The following MALRD1 variants were observed in gnomAD, a reference collection of about 807,000 sequenced individuals.
The protein encoded by MALRD1 is MAM and LDL-receptor class A domain-containing protein 1.
MALRD1 carries 247 observed loss-of-function variants against 242.1 expected under a neutral mutation model. That is an observed-to-expected ratio of 1.02 (90% CI 0.92 to 1.13). The LOEUF (loss-of-function observed/expected upper bound fraction) is 1.13. Ranked by LOEUF, MALRD1 falls within the 50% of genes most tolerant of loss-of-function variation. The probability of loss-of-function intolerance (pLI) is 0.00; values close to 1 mark genes in which losing one functional copy is unlikely to be tolerated. For missense variants in MALRD1, 2,989 were observed against 2,533.1 expected, an observed-to-expected ratio of 1.18 and a Z score of -3.86; for synonymous variants, 995 against 866.6, an observed-to-expected ratio of 1.15 and a Z score of -2.60.
chr10:19,506,615 T>C (rs1833156436), intron 31 of MALRD1, among the ~76,000 whole-genome samples: 1 of 152,152 alleles, frequency 6.6e-6, no homozygotes, highest in Non-Finnish European at 1.5e-5. Flanking sequence ...TACATGTATA[T>C]ATTCTAATTC....
chr10:19,176,703 G>C (rs1043875821), intron 14 of MALRD1, among the ~76,000 whole-genome samples: 14 of 152,096 alleles, frequency 9.2e-5, no homozygotes, highest in Non-Finnish European at 1.6e-4. Flanking sequence ...GGGTTAACGT[G>C]TATTTACTTT....
chr10:19,703,761 G>A (rs2131852698), intron 38 of MALRD1, among the ~76,000 whole-genome samples: 1 of 152,210 alleles, frequency 6.6e-6, no homozygotes, highest in South Asian at 2.1e-4. Flanking sequence ...CAGGGGTGGT[G>A]GCAGGTCCCT....
At chr10:19,704,551 G>A (rs1314596268) in intron 38 of MALRD1, among the ~76,000 whole-genome samples, 2 of 152,076 alleles carry the variant, frequency 1.3e-5, no homozygotes, top group African/African-American at 2.4e-5. Context: ...ACATTTGGGG[G>A]GACACAAATG....
chr10:19,280,840 G>C (rs780583552), intron 20 of MALRD1, among the ~76,000 whole-genome samples: 4 of 152,172 alleles, frequency 2.6e-5, no homozygotes, highest in Non-Finnish European at 4.4e-5. Context: ...AAATTAATCT[G>C]TGTCTTAATG....
chr10:19,138,182 G>A (rs1304269059), intron 10 of MALRD1, among the ~76,000 whole-genome samples: 4 of 151,392 alleles, frequency 2.6e-5, no homozygotes, highest in Admixed American at 6.6e-5. Context: ...CCAAGTAATC[G>A]GCTAACCAGT....
intron 31 of MALRD1, among the ~76,000 whole-genome samples, chr10:19,507,556 A>G (rs1833197980): frequency 6.6e-6 from 1 of 152,166 alleles, no homozygotes; most frequent in Admixed American, 6.5e-5. Context: ...TTCAAGTTAT[A>G]CTGAAACATA....
intron 38 of MALRD1, among the ~76,000 whole-genome samples, chr10:19,729,721 C>CTTTTTTTTTTTTTTTTTTTT (rs35279728): frequency 2.5e-5 from 1 of 40,696 alleles, no homozygotes; most frequent in Non-Finnish European, 4.2e-5. Context: ...TCTATTAATT[C>CTTTTTTTTTTTTTTTTTTTT]TTTTTTTTTT....
chr10:19,226,481 G>A (rs1355436160), intron 18 of MALRD1, among the ~76,000 whole-genome samples: 1 of 151,984 alleles, frequency 6.6e-6, no homozygotes, highest in Non-Finnish European at 1.5e-5. Context: ...TTAAATAAGT[G>A]GAAATATATA....
At chr10:19,666,589 C>G (rs1195061487) in intron 36 of MALRD1, among the ~76,000 whole-genome samples, 2 of 152,284 alleles carry the variant, frequency 1.3e-5, no homozygotes, top group African/African-American at 4.8e-5. Flanking sequence ...CGAGTATTCT[C>G]TTGGGAATAT....
Position 19,698,650 on chromosome 10 carries a change from C to T in MALRD1, c.6314+6096C>T, listed in dbSNP as rs574936434. 3.3e-5 allele frequency among the ~76,000 whole-genome samples: 5 copies of T among 152,152 alleles called. No homozygotes were observed. In the South Asian group the frequency reaches 1.0e-3, roughly 32 times the overall value. The stretch of plus-strand genomic sequence containing the variant: ...CCCAAAACCAATGATGGAAAGACTC[C>T]AAAAGAACAATAGTTTAGATTGATG... On this transcript the variant is annotated intron_variant, in intron 38 of 39. Coordinates refer to ENST00000454679, the MANE Select transcript of MALRD1 (RefSeq NM_001142308.3).
intron 32 of MALRD1, among the ~76,000 whole-genome samples, chr10:19,532,299 G>A (rs1391805150): frequency 1.3e-5 from 2 of 152,090 alleles, no homozygotes; most frequent in Admixed American, 6.6e-5. Flanking sequence ...CTGTCGCCCC[G>A]ACTGAAGTGC....
chr10:19,719,193 T>TATATATATATAC lies in MALRD1; in HGVS notation c.6315-11512_6315-11511insTATATATATACA, dbSNP rs1444949454. Among the ~76,000 whole-genome samples, 30 of 64,302 alleles carry TATATATATATAC rather than the reference T, an allele frequency of 4.7e-4. 3 individuals are homozygous for TATATATATATAC. The East Asian group carries it at 7.0e-3, about 15-fold the overall frequency. 42.2% of individuals were successfully genotyped at this position (64,302 alleles called of 152,430 possible). The stretch of plus-strand genomic sequence containing the variant: ...ATACATACATATATATATATATACA[T>TATATATATATAC]ACATATATATATATATATACACATA... On this transcript the variant is annotated intron_variant, in intron 38 of 39. Transcript: ENST00000454679.
chr10:19,352,135 G>C lies in MALRD1; in HGVS notation c.4279G>C (p.Glu1427Gln), dbSNP rs894897776. The change falls in exon 26 of 40, where the codon GAA becomes CAA. Residue 1427 changes from glutamate (E) to glutamine (Q), a missense_variant. By Grantham distance (29) the Glu-to-Gln change is conservative. Coordinates refer to ENST00000454679, the MANE Select transcript of MALRD1 (RefSeq NM_001142308.3). ...ACAAGGCAATTTCTGGCGGAGAGAA[G>C]AACTGTCACTGTTTGGTGATGAAGA... is the stretch of plus-strand genomic sequence containing the variant. ...VEQGNFWRRE[E>Q]LSLFGDEDFQ... The C allele has an allele frequency of 1.3e-6, 2 of 1,550,508 alleles. No homozygotes were observed. Among genetic ancestry groups the C allele is most frequent in the Admixed American group, 2.0e-5 (1 of 50,984 alleles).
At chr10:19,338,060 C>CAA (rs34978144) in intron 24 of MALRD1, among the ~76,000 whole-genome samples, 26 of 138,080 alleles carry the variant, frequency 1.9e-4, no homozygotes, top group Middle Eastern at 3.7e-3. Context: ...GATTCTGTCT[C>CAA]AAAAAAAAAA....
At chr10:19,629,571 A>G (rs1839818799) in intron 36 of MALRD1, among the ~76,000 whole-genome samples, 2 of 152,144 alleles carry the variant, frequency 1.3e-5, no homozygotes, top group Non-Finnish European at 2.9e-5. Context: ...TTTTCCTAGT[A>G]TGTGCACGGC....
chr10:19,231,254 T>C (rs1402892587), intron 18 of MALRD1, among the ~76,000 whole-genome samples: 1 of 152,200 alleles, frequency 6.6e-6, no homozygotes, highest in Non-Finnish European at 1.5e-5. Flanking sequence ...CTGAGGTATT[T>C]GTTGTGACTG....
chr10:19,570,682 G>C (rs1366077877), intron 33 of MALRD1, among the ~76,000 whole-genome samples: 1 of 151,984 alleles, frequency 6.6e-6, no homozygotes, highest in African/African-American at 2.4e-5. Context: ...CTGTTGTTAA[G>C]TGTAGAAAAT....
chr10:19,269,291 T>G (rs1297434041), intron 19 of MALRD1, among the ~76,000 whole-genome samples: 2 of 147,722 alleles, frequency 1.4e-5, no homozygotes, highest in Non-Finnish European at 2.9e-5. Flanking sequence ...GATGAGGTTC[T>G]TATAATGGGA....
At chr10:19,668,242 G>T (rs1841763737) in intron 36 of MALRD1, among the ~76,000 whole-genome samples, 1 of 152,132 alleles carries the variant, frequency 6.6e-6, no homozygotes, top group African/African-American at 2.4e-5. Flanking sequence ...GACACCAGCA[G>T]TCACTCTTAG....
Sources: gnomAD v4.1 joint callset for allele counts (sites outside exome capture counted in the v4.1 genomes callset) on GRCh38, gnomAD v4.1.1 for gene constraint, MANE v1.5 for transcripts, NCBI Gene and HGNC (gene_info 2026-07-23, HGNC 2026-07-21) for gene names.